Variants in LRP1B observed in about 807,000 individuals in gnomAD.
LRP1B encodes the protein low-density lipoprotein receptor-related protein 1B.
LRP1B carries 217 observed loss-of-function variants against 556.6 expected under a neutral mutation model. The observed-to-expected ratio is 0.39, with a 90% CI of 0.35 to 0.44. The LOEUF (loss-of-function observed/expected upper bound fraction) is 0.44, where lower values mean the gene tolerates loss of function less well. LRP1B is among the 20% of genes least tolerant of loss of function. The probability of loss-of-function intolerance (pLI) is 1.00; values close to 1 mark genes in which losing one functional copy is unlikely to be tolerated. For synonymous variants in LRP1B, 2,047 were observed against 1,865.8 expected (o/e 1.10, Z -2.50); for missense variants, 5,053 against 5,620.8 (o/e 0.90, Z 3.23).
At chr2:141,104,546 T>A (rs1700557036) in intron 7 of LRP1B, among the ~76,000 whole-genome samples, 1 of 152,092 alleles carries the variant, frequency 6.6e-6, no homozygotes, top group South Asian at 2.1e-4. Context: ...GAATAGTCTC[T>A]CTTATTGTGT....
At chr2:140,530,703 A>G (rs1690654251) in intron 47 of LRP1B, among the ~76,000 whole-genome samples, 2 of 152,130 alleles carry the variant, frequency 1.3e-5, no homozygotes, top group Admixed American at 6.6e-5. Context: ...TGTTTCCATG[A>G]GAAATTTTAG....
At chr2:142,071,005 G>A (rs1027093189) in intron 1 of LRP1B, among the ~76,000 whole-genome samples, 2 of 151,808 alleles carry the variant, frequency 1.3e-5, no homozygotes, top group African/African-American at 4.8e-5. Flanking sequence ...TGAGAAAGGC[G>A]AAGTTAATGA....
intron 2 of LRP1B, among the ~76,000 whole-genome samples, chr2:141,791,096 C>A (rs1695594415): frequency 6.6e-6 from 1 of 151,626 alleles, no homozygotes; most frequent in South Asian, 2.1e-4. Flanking sequence ...TTATCTCTAT[C>A]AAGAATATAA....
In LRP1B at chr2:140,444,424, T is replaced by C. The variant is rs779523025; in HGVS notation, c.10200A>G (p.Gln3400=). 1 of 1,613,966 alleles carries C rather than the reference T, an allele frequency of 6.2e-7. No homozygotes were observed. The highest frequency in any genetic ancestry group is 1.7e-5 in the Admixed American group (1 of 60,000). The change falls in exon 65 of 91, where the codon CAA becomes CAG. Residue 3400 remains glutamine, a synonymous_variant. Coordinates refer to ENST00000389484, the MANE Select transcript of LRP1B (RefSeq NM_018557.3). ...ATTTCTGGTTCTTGGTACATTTGAA[T>C]TGACCTGACAGGCAGACATGTGTGT... ...NCDTHVCLSG[Q]FKCTKNQKCI... is the part of the protein sequence containing the mutation.
At chr2:140,392,036 G>A (rs1239486171) in intron 66 of LRP1B, among the ~76,000 whole-genome samples, 1 of 152,078 alleles carries the variant, frequency 6.6e-6, no homozygotes, top group African/African-American at 2.4e-5. Context: ...GAACTGCTCT[G>A]AGATTCAGTC....
Position 140,495,757 on chromosome 2 carries a change from A to G in LRP1B, c.8851-9T>C, listed in dbSNP as rs779181009. ...CCAGGCCAGCATTTGCACTGGGAAAAGAAAAATGAGCATAATCAATTCATA... is the reference window on the plus strand; with the variant it reads ...CCAGGCCAGCATTTGCACTGGGAAAGGAAAAATGAGCATAATCAATTCATA... On this transcript the variant is annotated splice_polypyrimidine_tract_variant and intron_variant, in intron 55 of 90. Transcript: ENST00000389484. 1 of 1,595,516 alleles carries G rather than the reference A, an allele frequency of 6.3e-7. No individual in the cohort carries two copies. Among genetic ancestry groups the G allele is most frequent in the South Asian group, 1.1e-5 (1 of 90,506 alleles).
At chr2:141,142,921 C>CTTTTTTTTTTTTTTTTTTTTTTT (rs35543111) in intron 7 of LRP1B, among the ~76,000 whole-genome samples, 1 of 101,434 alleles carries the variant, frequency 9.9e-6, no homozygotes, top group African/African-American at 4.0e-5. Flanking sequence ...TGTCTGATTA[C>CTTTTTTTTTTTTTTTTTTTTTTT]TTTTTTTTTT....
At chr2:140,943,902 AAAAG>A (rs1695470757) in intron 20 of LRP1B, among the ~76,000 whole-genome samples, 1 of 152,068 alleles carries the variant, frequency 6.6e-6, no homozygotes, top group Non-Finnish European at 1.5e-5. Context: ...CTAGCAGAAG[AAAAG>A]AAATAACTAA....
chr2:141,311,114 T>C (rs1216576642), intron 3 of LRP1B, among the ~76,000 whole-genome samples: 1 of 152,196 alleles, frequency 6.6e-6, no homozygotes, highest in Non-Finnish European at 1.5e-5. Flanking sequence ...AATCATATTG[T>C]TTAAGTCCAT....
At chr2:141,071,512 G>A (rs541432166) in intron 7 of LRP1B, among the ~76,000 whole-genome samples, 1 of 152,236 alleles carries the variant, frequency 6.6e-6, no homozygotes, top group Non-Finnish European at 1.5e-5. Flanking sequence ...AGGGCAATTA[G>A]GCAGGAGAAG....
At chr2:141,850,407 GAATA>G (rs1697807280) in intron 1 of LRP1B, among the ~76,000 whole-genome samples, 1 of 151,396 alleles carries the variant, frequency 6.6e-6, no homozygotes, top group Non-Finnish European at 1.5e-5. Context: ...ATTTTTAGTA[GAATA>G]ATTATAGAAA....
intron 3 of LRP1B, among the ~76,000 whole-genome samples, chr2:141,465,637 C>T (rs1018674233): frequency 6.7e-6 from 1 of 150,100 alleles, no homozygotes; most frequent in Admixed American, 6.7e-5. Context: ...GCAACCTCCA[C>T]CTCCCAGGCT....
intron 2 of LRP1B, among the ~76,000 whole-genome samples, chr2:141,750,289 G>T (rs1205889732): frequency 2.6e-5 from 4 of 152,094 alleles, no homozygotes; most frequent in Non-Finnish European, 5.9e-5. Context: ...AGATCCACCT[G>T]TGATAATTGC....
intron 2 of LRP1B, among the ~76,000 whole-genome samples, chr2:141,788,581 T>C (rs1237661673): frequency 6.6e-6 from 1 of 151,876 alleles, no homozygotes; most frequent in Non-Finnish European, 1.5e-5. Context: ...GTGCACAATG[T>C]GCAGGTTAGT....
intron 3 of LRP1B, among the ~76,000 whole-genome samples, chr2:141,374,340 TATA>T (rs1195039666): frequency 6.6e-6 from 1 of 152,194 alleles, no homozygotes; most frequent in Admixed American, 6.5e-5. Flanking sequence ...ACATTCTGAC[TATA>T]ATATGTTTGG....
At chr2:141,002,807 G>A (rs549546432) in intron 15 of LRP1B, among the ~76,000 whole-genome samples, 11 of 152,138 alleles carry the variant, frequency 7.2e-5, no homozygotes, top group Admixed American at 5.9e-4. Flanking sequence ...TAGTGAAACA[G>A]TGATCTAGGC....
At chr2:140,471,874 T>C (rs1019065732) in intron 60 of LRP1B, among the ~76,000 whole-genome samples, 3 of 152,188 alleles carry the variant, frequency 2.0e-5, no homozygotes, top group African/African-American at 4.8e-5. Flanking sequence ...CTTCCAGTCA[T>C]AGGCAAATTG....
chr2:140,380,284 C>T (rs1014016945), intron 67 of LRP1B, among the ~76,000 whole-genome samples: 4 of 152,094 alleles, frequency 2.6e-5, no homozygotes, highest in Non-Finnish European at 5.9e-5. Flanking sequence ...ATCATTGCTT[C>T]CCATACAATT....
intron 84 of LRP1B, among the ~76,000 whole-genome samples, chr2:140,278,163 A>G (rs1408428677): frequency 6.6e-6 from 1 of 151,958 alleles, no homozygotes; most frequent in Non-Finnish European, 1.5e-5. Flanking sequence ...TTCAAAAGTT[A>G]AGTTGAATCT....
Sources: allele counts gnomAD v4.1 joint callset (sites outside exome capture counted in the v4.1 genomes callset), GRCh38; gene constraint gnomAD v4.1.1; transcripts MANE v1.5; gene names NCBI Gene and HGNC (gene_info 2026-07-23, HGNC 2026-07-21).